The following ATXN1L variants were observed in gnomAD, a reference collection of about 807,000 sequenced individuals.
ATXN1L encodes ataxin-1-like.
A neutral mutation model predicts 43.4 loss-of-function variants in ATXN1L; 8 were observed. That is an observed-to-expected ratio of 0.18 (90% confidence interval 0.11 to 0.33). ATXN1L has a LOEUF of 0.33. Ranked by LOEUF, ATXN1L falls within the 10% of genes least tolerant of loss-of-function variation. The pLI is 1.00. For synonymous variants in ATXN1L, 379 were observed against 360.6 expected (o/e 1.05, Z -0.58); for missense variants, 856 against 885.4 (o/e 0.97, Z 0.42).
rs2033535122 is a variant in ATXN1L at position 71,854,634 on chromosome 16, A to G, written c.*2824A>G. 6.0e-6 allele frequency: 1 copy of G among 166,860 alleles called. No individual in the cohort carries two copies. Among genetic ancestry groups the G allele is most frequent in the Admixed American group, 6.6e-5 (1 of 15,262 alleles). The allele number at this position is 166,860 out of a possible 1,614,324, so 10.3% of individuals were successfully genotyped here. ...CATTCTTCCTTATAGGAATTTCCTG[A>G]GTTTGCAGGAGACATGAGAGCAGTT... On this transcript the variant is annotated 3_prime_UTR_variant, in exon 3 of 3. Transcript: ENST00000427980.
rs1567391489 is a variant in ATXN1L, at chr16:71,855,965, A to G, written c.*4155A>G. 6.0e-6 allele frequency: 1 copy of G among 167,038 alleles called. No individual in the cohort carries two copies. The highest frequency in any genetic ancestry group is 2.4e-5 in the African/African-American group (1 of 41,444). The allele number at this position is 167,038 out of a possible 1,614,324, so 10.3% of individuals were successfully genotyped here. A position where few individuals can be genotyped will look rare whatever the true frequency, so the allele number is the denominator to read the frequency against. ...TAGGGAAGGTCTCCCACATTATGCA[A>G]TAATAAAATAAGCATCTGGGTCTTT... On this transcript the variant is annotated 3_prime_UTR_variant, in exon 3 of 3. Coordinates refer to ENST00000427980, the MANE Select transcript of ATXN1L (RefSeq NM_001137675.4).
chr16:71,856,350 T>C lies in ATXN1L; in HGVS notation c.*4540T>C, dbSNP rs1004787172. The C allele has an allele frequency of 1.2e-5, 2 of 167,150 alleles. No homozygotes were observed. Among genetic ancestry groups the C allele is most frequent in the African/African-American group, 4.8e-5 (2 of 41,462 alleles). 10.4% of individuals were successfully genotyped at this position (167,150 alleles called of 1,614,324 possible). A position where few individuals can be genotyped will look rare whatever the true frequency, so the allele number is the denominator to read the frequency against. ...CCTCAAATTGGGTTCTTGCCTGCAG[T>C]GTGTGTGGCAGCAGCCCATGTGCCT... On this transcript the variant is annotated 3_prime_UTR_variant, in exon 3 of 3. Coordinates refer to ENST00000427980, the MANE Select transcript of ATXN1L (RefSeq NM_001137675.4).
rs1223098813 is a variant in ATXN1L, at chr16:71,856,199, C to G, written c.*4389C>G. On this transcript the variant is annotated 3_prime_UTR_variant, in exon 3 of 3. Transcript: ENST00000427980. ...AGCAGGAACAATAGTCATAAATGCA[C>G]TTTTCACACTAAAGGTTTCTTTATT... is the stretch of plus-strand genomic sequence containing the variant. The G allele has an allele frequency of 6.0e-6, 1 of 167,120 alleles. No homozygotes were observed. Among genetic ancestry groups the G allele is most frequent in the Non-Finnish European group, 1.5e-5 (1 of 68,138 alleles). The allele number at this position is 167,120 out of a possible 1,614,324, so 10.4% of individuals were successfully genotyped here.
Position 71,849,723 on chromosome 16 carries a change from G to C in ATXN1L, c.-18G>C. 7 of 1,474,492 alleles carry C rather than the reference G, an allele frequency of 4.7e-6. No individual in the cohort carries two copies. Among genetic ancestry groups the C allele is most frequent in the Non-Finnish European group, 6.3e-6 (7 of 1,107,638 alleles). The allele number at this position is 1,474,492 out of a possible 1,614,324, so 91.3% of individuals were successfully genotyped here. A position where few individuals can be genotyped will look rare whatever the true frequency, so the allele number is the denominator to read the frequency against. On this transcript the variant is annotated 5_prime_UTR_variant, in exon 3 of 3. Coordinates refer to ENST00000427980, the MANE Select transcript of ATXN1L (RefSeq NM_001137675.4). ...GCAAGTCGACTCCTTCCAGGCTCCAGGAACACCACAAAGCAATATGAAACC... is the reference window on the plus strand; with the variant it reads ...GCAAGTCGACTCCTTCCAGGCTCCACGAACACCACAAAGCAATATGAAACC...
Position 71,850,760 on chromosome 16 carries a change from G to A in ATXN1L, c.1020G>A (p.Val340=), listed in dbSNP as rs948203709. 1 of 1,551,578 alleles carries A rather than the reference G, an allele frequency of 6.4e-7. No homozygotes were observed. The highest frequency in any genetic ancestry group is 1.4e-5 in the African/African-American group (1 of 73,050). ...ACACTGACCTTGAGGTCCAGCGGGT[G>A]GTTGGCGCTTTAGCTTCTCAGGACT... ...TPDTDLEVQR[V]VGALASQDYR... The change falls in exon 3 of 3, where the codon GTG becomes GTA. Residue 340 remains valine (V), a synonymous_variant. Coordinates refer to ENST00000427980, the MANE Select transcript of ATXN1L (RefSeq NM_001137675.4).
In ATXN1L at chr16:71,851,693, G is replaced by A. The variant is rs962300414; in HGVS notation, c.1953G>A (p.Pro651=). The A allele has an allele frequency of 2.5e-5, 37 of 1,492,902 alleles. No homozygotes were observed. The highest frequency in any genetic ancestry group is 3.2e-5 in the Non-Finnish European group (36 of 1,116,406). 92.5% of individuals were successfully genotyped at this position (1,492,902 alleles called of 1,614,324 possible). A position where few individuals can be genotyped will look rare whatever the true frequency, so the allele number is the denominator to read the frequency against. Residue 651 remains proline (P), a synonymous_variant, in exon 3 of 3, where the codon CCG becomes CCA. Transcript: ENST00000427980. This position sits in a 1 kb window ranked among gnomAD's most constrained non-coding sequence, Gnocchi z 4.9. ...GTGCTCAGGCCTGCTGGCCAGCCCC[G>A]AGCTTCCAAAGATACAGCATGCAAG... is the stretch of plus-strand genomic sequence containing the variant. ...ESGAQACWPA[P]SFQRYSMQGE... is the part of the protein sequence containing the mutation.
chr16:71,854,688 C>G lies in ATXN1L; in HGVS notation c.*2878C>G, dbSNP rs1255541214. ...AGCGAGTATTTTAGTGGGAAGTTGC[C>G]AACTTTTTAAGAATGAGCAGTTGAC... On this transcript the variant is annotated 3_prime_UTR_variant, in exon 3 of 3. Coordinates refer to ENST00000427980, the MANE Select transcript of ATXN1L (RefSeq NM_001137675.4). The G allele has an allele frequency of 6.0e-6, 1 of 166,954 alleles. No individual in the cohort carries two copies. The highest frequency in any genetic ancestry group is 1.5e-5 in the Non-Finnish European group (1 of 68,100). The allele number at this position is 166,954 out of a possible 1,614,324, so 10.3% of individuals were successfully genotyped here. A position where few individuals can be genotyped will look rare whatever the true frequency, so the allele number is the denominator to read the frequency against.
Position 71,848,515 on chromosome 16 carries a change from G to A in ATXN1L, c.-118+444G>A, listed in dbSNP as rs143626948. 1.9e-3 allele frequency: 292 copies of A among 155,278 alleles called. 3 individuals carry two copies. In the South Asian group the frequency reaches 0.032, roughly 17 times the overall value. The allele number at this position is 155,278 out of a possible 1,614,324, so 9.6% of individuals were successfully genotyped here. A position where few individuals can be genotyped will look rare whatever the true frequency, so the allele number is the denominator to read the frequency against. ...AGAAGCCTTTTGAGACTAGGGAACC[G>A]GAAGTGTACGTAAGGTCAGAAGAAT... On this transcript the variant is annotated intron_variant, in intron 2 of 2. Coordinates refer to ENST00000427980, the MANE Select transcript of ATXN1L (RefSeq NM_001137675.4).
rs1336035026 is a variant in ATXN1L at position 71,850,176 on chromosome 16, C to T, written c.436C>T (p.Leu146Phe). The change falls in exon 3 of 3, where the codon CTT (leucine) becomes TTT (phenylalanine). Residue 146 changes from leucine (L) to phenylalanine (F), a missense_variant. This residue lies in a region of ATXN1L where 490 missense variants were observed against 449.4 expected (regional missense o/e 1.09). Coordinates refer to ENST00000427980, the MANE Select transcript of ATXN1L (RefSeq NM_001137675.4). ...SLQFIGSPYS[L>F]PYAVPPNFLP... ...GCAGTTCATTGGGTCTCCTTATAGCCTTCCCTATGCTGTGCCACCTAATTT... is the reference window on the plus strand; with the variant it reads ...GCAGTTCATTGGGTCTCCTTATAGCTTTCCCTATGCTGTGCCACCTAATTT... 3 of 1,551,728 alleles carry T rather than the reference C, an allele frequency of 1.9e-6. No homozygotes were observed. Among genetic ancestry groups the T allele is most frequent in the Admixed American group, 2.0e-5 (1 of 51,008 alleles).
chr16:71,849,517 A>T, intron 2 of ATXN1L, 107 bp from the exon 3 acceptor site: 1 of 417,716 alleles, frequency 2.4e-6, no homozygotes, highest in Non-Finnish European at 4.2e-6. Flanking sequence ...TTATTTTCTA[A>T]CAGTCCCCTT....
At position 71,855,125 on chromosome 16, in the gene ATXN1L, A is replaced by C. The variant is rs576754992; in HGVS notation, c.*3315A>C. The stretch of plus-strand genomic sequence containing the variant: ...TCCTTCCATGTCTTTGGCCATGTAG[A>C]TTAAGTGTAGGCGTCCGGTTCATTC... On this transcript the variant is annotated 3_prime_UTR_variant, in exon 3 of 3. Coordinates refer to ENST00000427980, the MANE Select transcript of ATXN1L (RefSeq NM_001137675.4). 1 of 167,210 alleles carries C rather than the reference A, an allele frequency of 6.0e-6. No homozygotes were observed. The highest frequency in any genetic ancestry group is 1.9e-4 in the East Asian group (1 of 5,206). The allele number at this position is 167,210 out of a possible 1,614,324, so 10.4% of individuals were successfully genotyped here.
rs769851325 is a variant in ATXN1L at position 71,856,778 on chromosome 16, T to C, written c.*4968T>C. The C allele has an allele frequency of 6.0e-6, 1 of 167,102 alleles. No homozygotes were observed. Among genetic ancestry groups the C allele is most frequent in the Non-Finnish European group, 1.5e-5 (1 of 68,158 alleles). The allele number at this position is 167,102 out of a possible 1,614,324, so 10.4% of individuals were successfully genotyped here. ...CAGCACCTTAGGCGAGGGAAGAATA[T>C]ACGGATAGGGAATGGGGTGGAGAAA... On this transcript the variant is annotated 3_prime_UTR_variant, in exon 3 of 3. Transcript: ENST00000427980.
rs2033549170 is a variant in ATXN1L, at chr16:71,856,161, C to T, written c.*4351C>T. ...AGGAGGAGAGGTGTTGCGGTTTGCC[C>T]TGCTGCCTCCCCAGCAGGAACAATA... is the stretch of plus-strand genomic sequence containing the variant. On this transcript the variant is annotated 3_prime_UTR_variant, in exon 3 of 3. Coordinates refer to ENST00000427980, the MANE Select transcript of ATXN1L (RefSeq NM_001137675.4). 6.0e-6 allele frequency: 1 copy of T among 167,062 alleles called. No individual in the cohort carries two copies. The highest frequency in any genetic ancestry group is 2.1e-4 in the South Asian group (1 of 4,826). 10.3% of individuals were successfully genotyped at this position (167,062 alleles called of 1,614,324 possible). A position where few individuals can be genotyped will look rare whatever the true frequency, so the allele number is the denominator to read the frequency against.
At chr16:71,846,130 G>A (rs752437884) in intron 1 of ATXN1L, 26 bp downstream of exon 1, 8 of 187,150 alleles carry the variant, frequency 4.3e-5, no homozygotes, top group Non-Finnish European at 6.9e-5. Context: ...AGTGGTGGCC[G>A]CCGGGGCCAG....
chr16:71,851,362 C>T lies in ATXN1L; in HGVS notation c.1622C>T (p.Pro541Leu). ...QQSKVSIEVP[P>L]EHPFFVYGQG... ...AGCAAAGTGAGCATCGAAGTGCCCC[C>T]CGAGCACCCCTTCTTTGTATATGGC... Residue 541 changes from proline to leucine, a missense_variant, in exon 3 of 3, where the codon CCC becomes CTC. This residue lies in a region of ATXN1L where 54 missense variants were observed against 56.6 expected (regional missense o/e 0.95). Coordinates refer to ENST00000427980, the MANE Select transcript of ATXN1L (RefSeq NM_001137675.4). The surrounding 1 kb of genome is among the most constrained non-coding windows in gnomAD (Gnocchi z 4.9). The T allele has an allele frequency of 1.3e-6, 2 of 1,551,668 alleles. No homozygotes were observed. The highest frequency in any genetic ancestry group is 1.7e-6 in the Non-Finnish European group (2 of 1,146,990).
chr16:71,850,891 C>T lies in ATXN1L; in HGVS notation c.1151C>T (p.Ala384Val). 1 of 1,551,666 alleles carries T rather than the reference C, an allele frequency of 6.4e-7. No individual in the cohort carries two copies. Among genetic ancestry groups the T allele is most frequent in the Non-Finnish European group, 8.7e-7 (1 of 1,146,960 alleles). The change falls in exon 3 of 3, where the codon GCA becomes GTA. Residue 384 changes from alanine to valine, a missense_variant. Coordinates refer to ENST00000427980, the MANE Select transcript of ATXN1L (RefSeq NM_001137675.4). ...GEGRGSARNP[A>V]ELAEKSQARG... Reference sequence around the variant, plus strand: ...GGGCGAGGGTCAGCCAGGAACCCTGCAGAGCTGGCAGAGAAAAGTCAGGCC... The same window carrying T: ...GGGCGAGGGTCAGCCAGGAACCCTGTAGAGCTGGCAGAGAAAAGTCAGGCC...
chr16:71,853,350 C>T lies in ATXN1L; in HGVS notation c.*1540C>T, dbSNP rs924130542. On this transcript the variant is annotated 3_prime_UTR_variant, in exon 3 of 3. Coordinates refer to ENST00000427980, the MANE Select transcript of ATXN1L (RefSeq NM_001137675.4). Reference sequence around the variant, plus strand: ...TCCACTGGGTATTGGGAATTAGGCTCCCCCACTAGCTTTCAGGTGGGTAAG... The same window carrying T: ...TCCACTGGGTATTGGGAATTAGGCTTCCCCACTAGCTTTCAGGTGGGTAAG... 1 of 167,050 alleles carries T rather than the reference C, an allele frequency of 6.0e-6. No homozygotes were observed. Among genetic ancestry groups the T allele is most frequent in the Non-Finnish European group, 1.5e-5 (1 of 68,164 alleles). The allele number at this position is 167,050 out of a possible 1,614,324, so 10.3% of individuals were successfully genotyped here. A position where few individuals can be genotyped will look rare whatever the true frequency, so the allele number is the denominator to read the frequency against.
rs2033548665 is a variant in ATXN1L, at chr16:71,856,096, C to CT, written c.*4287dup. 1 of 167,126 alleles carries CT rather than the reference C, an allele frequency of 6.0e-6. No homozygotes were observed. The highest frequency in any genetic ancestry group is 1.5e-5 in the Non-Finnish European group (1 of 68,132). 10.4% of individuals were successfully genotyped at this position (167,126 alleles called of 1,614,324 possible). ...CAGAGATGCTAGAGTCGACTGCACT[C>CT]TCTCCTTAGCTGCAGACCATGCACA... On this transcript the variant is annotated 3_prime_UTR_variant, in exon 3 of 3. Coordinates refer to ENST00000427980, the MANE Select transcript of ATXN1L (RefSeq NM_001137675.4).
At chr16:71,846,331 G>A (rs1241569786) in intron 1 of ATXN1L, among the ~76,000 whole-genome samples, 1 of 152,250 alleles carries the variant, frequency 6.6e-6, no homozygotes, top group Non-Finnish European at 1.5e-5. Flanking sequence ...TGCGAGCCAA[G>A]GTGTCCGAGT....
Sources: gnomAD v4.1 joint callset for allele counts (sites outside exome capture counted in the v4.1 genomes callset) on GRCh38, gnomAD v4.1.1 for gene constraint, gnomAD v4.1.1 regional missense constraint, Gnocchi (gnomAD v3.1) non-coding constraint, MANE v1.5 for transcripts, NCBI Gene and HGNC (gene_info 2026-07-23, HGNC 2026-07-21) for gene names.